The following NFIA variants were observed in gnomAD, a reference collection of about 807,000 sequenced individuals.
NFIA encodes the protein nuclear factor I A, also known as nuclear factor 1 A-type.
NFIA carries 8 observed loss-of-function variants against 62.8 expected under a neutral mutation model. The ratio of observed to expected loss-of-function variants is 0.13; its 90% confidence interval spans 0.07 to 0.23. The LOEUF (loss-of-function observed/expected upper bound fraction) is 0.23, where lower values mean the gene tolerates loss of function less well. Among genes scored for constraint, NFIA ranks in the 10% least tolerant of loss-of-function variants. The pLI is 1.00. For synonymous variants in NFIA, 235 were observed against 238.1 expected (o/e 0.99, Z 0.12); for missense variants, 410 against 642.1 (o/e 0.64, Z 3.91).
At chr1:61,362,883 T>G (rs1278427219) in intron 6 of NFIA, among the ~76,000 whole-genome samples, 1 of 152,184 alleles carries the variant, frequency 6.6e-6, no homozygotes, top group African/African-American at 2.4e-5. Context: ...CAAATGCACA[T>G]ATCATCAACT....
chr1:61,184,823 G>A (rs1371918415), intron 2 of NFIA, among the ~76,000 whole-genome samples: 2 of 152,186 alleles, frequency 1.3e-5, no homozygotes, highest in Admixed American at 6.5e-5. Flanking sequence ...AACCTGGAGA[G>A]TAAGGTATAA....
upstream of NFIA, among the ~76,000 whole-genome samples, chr1:61,078,349 G>C (rs901433567): frequency 1.3e-4 from 20 of 151,834 alleles, no homozygotes; most frequent in African/African-American, 4.8e-4. Context: ...TTCTGCTAGA[G>C]AAATAACTTT....
At chr1:61,129,552 C>T (rs1270148396) in intron 2 of NFIA, among the ~76,000 whole-genome samples, 4 of 150,142 alleles carry the variant, frequency 2.7e-5, no homozygotes, top group Admixed American at 6.7e-5. Flanking sequence ...CAGATTCAAG[C>T]GATTCTCATG....
At chr1:61,307,678 C>T (rs918123869) in intron 3 of NFIA, among the ~76,000 whole-genome samples, 3 of 152,152 alleles carry the variant, frequency 2.0e-5, no homozygotes, top group Admixed American at 2.0e-4. Flanking sequence ...GGAGTAATGC[C>T]ACTATCAGTG....
chr1:61,341,946 T>A (rs1332947903), intron 4 of NFIA, among the ~76,000 whole-genome samples: 1 of 152,048 alleles, frequency 6.6e-6, no homozygotes, highest in Non-Finnish European at 1.5e-5. Flanking sequence ...CAAATATTAT[T>A]GAGATTTGGC....
intron 2 of NFIA, among the ~76,000 whole-genome samples, chr1:61,135,843 A>G (rs562573096): frequency 5.3e-5 from 8 of 152,322 alleles, no homozygotes; most frequent in African/African-American, 1.4e-4. Flanking sequence ...AGTTTCGTCT[A>G]TGTGCCATCC....
intron 9 of NFIA, among the ~76,000 whole-genome samples, chr1:61,418,480 C>A (rs1666458686): frequency 6.6e-6 from 1 of 151,926 alleles, no homozygotes; most frequent in South Asian, 2.1e-4. Flanking sequence ...AAAAAATCAT[C>A]CATAATCCCA....
intron 2 of NFIA, among the ~76,000 whole-genome samples, chr1:61,161,444 G>A (rs1649194423): frequency 6.6e-6 from 1 of 152,178 alleles, no homozygotes; most frequent in African/African-American, 2.4e-5. Flanking sequence ...GTGGACAGCT[G>A]CTTCAGTCTG....
intron 5 of NFIA, among the ~76,000 whole-genome samples, chr1:61,357,838 C>T (rs878963393): frequency 1.3e-5 from 2 of 152,014 alleles, no homozygotes; most frequent in Admixed American, 1.3e-4. Flanking sequence ...ACACGCACTC[C>T]CAGTAGATAT....
intron 2 of NFIA, among the ~76,000 whole-genome samples, chr1:61,169,450 T>C (rs570090278): frequency 9.2e-5 from 14 of 152,372 alleles, no homozygotes; most frequent in African/African-American, 3.4e-4. Flanking sequence ...TCATTCAATC[T>C]GCATTTAAAA....
rs1569837315 is a variant in NFIA at position 61,421,405 on chromosome 1, A to G, written c.1421-5060A>G. On this transcript the variant is annotated intron_variant, in intron 9 of 10. Transcript: ENST00000403491. ...CTCTATGATGCACTGCGGAAGCTAG[A>G]CTTGGTAGATCGAGTTTAAGGGAAT... Among the ~76,000 whole-genome samples the G allele has an allele frequency of 2.0e-5, 3 of 152,176 alleles. No homozygotes were observed. The East Asian group carries it at 5.8e-4, about 29-fold the overall frequency.
intron 2 of NFIA, among the ~76,000 whole-genome samples, chr1:61,249,333 T>A (rs1655859021): frequency 6.6e-6 from 1 of 152,224 alleles, no homozygotes; most frequent in Non-Finnish European, 1.5e-5. Context: ...AAAACTTTAC[T>A]AACCAGATGT....
intron 4 of NFIA, among the ~76,000 whole-genome samples, chr1:61,334,101 A>G (rs1177711662): frequency 1.3e-5 from 2 of 152,360 alleles, no homozygotes; most frequent in African/African-American, 4.8e-5. Flanking sequence ...AGGAACTTGA[A>G]GAGATCTATA....
intron 3 of NFIA, among the ~76,000 whole-genome samples, chr1:61,282,313 T>G (rs1423607799): frequency 6.6e-6 from 1 of 152,212 alleles, no homozygotes; most frequent in African/African-American, 2.4e-5. Flanking sequence ...TTTAATCCTT[T>G]GTTATATCAC....
chr1:61,361,968 G>T (rs1302688184), intron 6 of NFIA, among the ~76,000 whole-genome samples: 2 of 152,026 alleles, frequency 1.3e-5, no homozygotes, highest in South Asian at 4.2e-4. Context: ...GTGGATAAAC[G>T]TACATTTGGC....
At chr1:61,176,508 T>C (rs1395832316) in intron 2 of NFIA, among the ~76,000 whole-genome samples, 2 of 152,122 alleles carry the variant, frequency 1.3e-5, no homozygotes, top group East Asian at 3.9e-4. Flanking sequence ...TCTGGCTGAG[T>C]GGATTTTCTC....
intron 2 of NFIA, among the ~76,000 whole-genome samples, chr1:61,134,297 C>T (rs1182108605): frequency 7.0e-6 from 1 of 143,248 alleles, no homozygotes; most frequent in Non-Finnish European, 1.5e-5. Context: ...TACAGAAAAT[C>T]CTTTATCTCT....
intron 9 of NFIA, among the ~76,000 whole-genome samples, chr1:61,418,760 A>G (rs1227186959): frequency 6.6e-6 from 1 of 152,192 alleles, no homozygotes; most frequent in Non-Finnish European, 1.5e-5. Flanking sequence ...ATAAACCTTT[A>G]TCTGTATTAT....
intron 3 of NFIA, among the ~76,000 whole-genome samples, chr1:61,328,714 C>T (rs548567687): frequency 8.0e-5 from 12 of 149,472 alleles, no homozygotes; most frequent in East Asian, 2.0e-4. Flanking sequence ...CCACCGCACC[C>T]GGCCTATAAT....
Sources: allele counts gnomAD v4.1 joint callset (sites outside exome capture counted in the v4.1 genomes callset), GRCh38; gene constraint gnomAD v4.1.1; transcripts MANE v1.5; gene names NCBI Gene and HGNC (gene_info 2026-07-23, HGNC 2026-07-21).